The following ZNF236 variants were observed in gnomAD, a reference collection of about 807,000 sequenced individuals.
The protein encoded by ZNF236 is zinc finger protein 236, also known as regulated by glucose.
In ZNF236, 50 loss-of-function variants were observed where a neutral mutation model predicts 191.2. The ratio of observed to expected loss-of-function variants is 0.26; its 90% CI spans 0.21 to 0.33. The LOEUF (loss-of-function observed/expected upper bound fraction) is 0.33. ZNF236 is among the 10% of genes least tolerant of loss of function. ZNF236 has a pLI of 1.00. For synonymous variants in ZNF236, 907 were observed against 928.8 expected, an observed-to-expected ratio of 0.98 and a Z score of 0.43; for missense variants, 1,754 against 2,374.5, an observed-to-expected ratio of 0.74 and a Z score of 5.43.
chr18:76,889,079 T>C (rs773651939), intron 9 of ZNF236, among the ~76,000 whole-genome samples: 2 of 152,200 alleles, frequency 1.3e-5, no homozygotes, highest in Non-Finnish European at 2.9e-5. Flanking sequence ...CCACCAGGCA[T>C]CCTGTACCCC....
intron 9 of ZNF236, among the ~76,000 whole-genome samples, chr18:76,887,731 C>T (rs1428692559): frequency 2.0e-5 from 3 of 152,200 alleles, no homozygotes; most frequent in African/African-American, 7.2e-5. Context: ...TACAGGGCAA[C>T]TGCCCTTTAT....
At chr18:76,918,321 A>G (rs899259293) in intron 19 of ZNF236, among the ~76,000 whole-genome samples, 15 of 152,208 alleles carry the variant, frequency 9.9e-5, no homozygotes, top group Admixed American at 2.6e-4. Flanking sequence ...GAAGTTCCTG[A>G]TATCAAACAG....
intron 26 of ZNF236, among the ~76,000 whole-genome samples, chr18:76,938,549 C>T (rs1968055723): frequency 6.6e-6 from 1 of 152,240 alleles, no homozygotes; most frequent in African/African-American, 2.4e-5. Context: ...CTCTTCTGAG[C>T]TCTAGTCCCT....
chr18:76,958,293 G>A (rs963451290), intron 28 of ZNF236, among the ~76,000 whole-genome samples: 6 of 152,196 alleles, frequency 3.9e-5, no homozygotes, highest in African/African-American at 1.4e-4. Context: ...CTAGGTTTAC[G>A]TAACCTCTGC....
chr18:76,896,901 C>G (rs1977436409), intron 10 of ZNF236, among the ~76,000 whole-genome samples: 1 of 151,784 alleles, frequency 6.6e-6, no homozygotes, highest in Non-Finnish European at 1.5e-5. Context: ...GCATACAGTA[C>G]CCAACACAGT....
rs116807761 is a variant in ZNF236 at position 76,875,162 on chromosome 18, T to C, written c.668-330T>C. ...CTCTGGGTGTATTTTGAAGTTATTA[T>C]TGAGTGTGAGACGTGAGAGAAACCA... is the stretch of plus-strand genomic sequence containing the variant. On this transcript the variant is annotated intron_variant, in intron 5 of 30. Transcript: ENST00000320610. This position sits in a 1 kb window ranked among gnomAD's most constrained non-coding sequence, Gnocchi z 4.3. 0.012 allele frequency among the ~76,000 whole-genome samples: 1,850 copies of C among 152,148 alleles called. 29 individuals are homozygous for C. Among genetic ancestry groups the C allele is most frequent in the African/African-American group, 0.042 (1,731 of 41,494 alleles).
At chr18:76,839,790 G>T (rs1285338286) in intron 1 of ZNF236, among the ~76,000 whole-genome samples, 5 of 152,164 alleles carry the variant, frequency 3.3e-5, no homozygotes, top group African/African-American at 1.2e-4. Context: ...TTATCTAAAA[G>T]TTAATATGTG....
intron 26 of ZNF236, among the ~76,000 whole-genome samples, chr18:76,942,851 A>G (rs994588850): frequency 1.3e-5 from 2 of 148,716 alleles, no homozygotes; most frequent in African/African-American, 4.9e-5. Context: ...GGCTGGGTGC[A>G]GTGGCTCACG....
chr18:76,837,437 C>CTTTTTTTTTTTTTT (rs71760598), intron 1 of ZNF236, among the ~76,000 whole-genome samples: 16 of 105,852 alleles, frequency 1.5e-4, no homozygotes, highest in African/African-American at 2.6e-4. Flanking sequence ...TTTTCTTTTT[C>CTTTTTTTTTTTTTT]TTTTTTTTTT....
intron 13 of ZNF236, among the ~76,000 whole-genome samples, chr18:76,906,901 A>C (rs912704861): frequency 6.6e-6 from 1 of 152,248 alleles, no homozygotes; most frequent in Non-Finnish European, 1.5e-5. Context: ...GGAAATTCCC[A>C]AAATACCACA....
At chr18:76,832,933 C>T (rs1975215606) in intron 1 of ZNF236, among the ~76,000 whole-genome samples, 1 of 152,072 alleles carries the variant, frequency 6.6e-6, no homozygotes, top group Non-Finnish European at 1.5e-5. Context: ...AGGACTTATA[C>T]AAATATTGTT....
In ZNF236 at chr18:76,927,212, G is replaced by A. The variant is rs764678006; in HGVS notation, c.4173+30G>A. 8 of 1,611,790 alleles carry A rather than the reference G, an allele frequency of 5.0e-6. No individual in the cohort carries two copies. Among genetic ancestry groups the A allele is most frequent in the Non-Finnish European group, 6.8e-6 (8 of 1,178,034 alleles). On this transcript the variant is annotated intron_variant, in intron 23 of 30. Transcript: ENST00000320610. This position sits in a 1 kb window ranked among gnomAD's most constrained non-coding sequence, Gnocchi z 5.4. Reference sequence around the variant, plus strand: ...GACACCTTCCATGGTCTCCTGTGCTGTAATTCTCTTGGCATCACAGAGAAG... The same window carrying A: ...GACACCTTCCATGGTCTCCTGTGCTATAATTCTCTTGGCATCACAGAGAAG...
At chr18:76,878,489 T>C (rs1268654239) in intron 7 of ZNF236, among the ~76,000 whole-genome samples, 1 of 152,206 alleles carries the variant, frequency 6.6e-6, no homozygotes, top group Non-Finnish European at 1.5e-5. Flanking sequence ...TATTTCTCTT[T>C]TCTTATGTGA....
intron 1 of ZNF236, among the ~76,000 whole-genome samples, chr18:76,843,803 A>AAAAAAAAAAAAGAAG (rs71172383): frequency 1.6e-5 from 1 of 62,080 alleles, no homozygotes; most frequent in South Asian, 6.4e-4. Context: ...AAAAAAAAAA[A>AAAAAAAAAAAAGAAG]AAGTAAAGAA....
intron 30 of ZNF236, among the ~76,000 whole-genome samples, chr18:76,963,854 A>T (rs578079463): frequency 1.3e-5 from 2 of 152,038 alleles, no homozygotes; most frequent in East Asian, 3.9e-4. Context: ...TCTAGTTTAT[A>T]TGTGTAAAGG....
intron 1 of ZNF236, among the ~76,000 whole-genome samples, chr18:76,846,068 G>A (rs1002670441): frequency 3.9e-5 from 6 of 152,150 alleles, no homozygotes; most frequent in African/African-American, 1.5e-4. Flanking sequence ...CAGCCTAGCT[G>A]GGGCTCCTTT....
chr18:76,916,974 C>T (rs1250987468), intron 19 of ZNF236, among the ~76,000 whole-genome samples: 1 of 152,116 alleles, frequency 6.6e-6, no homozygotes, highest in Non-Finnish European at 1.5e-5. Flanking sequence ...TCTGGGGTCC[C>T]CGGTGGGTTA....
intron 3 of ZNF236, among the ~76,000 whole-genome samples, chr18:76,857,774 T>C (rs1038262837): frequency 1.3e-5 from 2 of 152,212 alleles, no homozygotes; most frequent in African/African-American, 4.8e-5. Flanking sequence ...TATGTTCTTA[T>C]TTTCTTTTTC....
At chr18:76,948,593 G>A (rs1968326761) in intron 27 of ZNF236, among the ~76,000 whole-genome samples, 1 of 152,194 alleles carries the variant, frequency 6.6e-6, no homozygotes, top group South Asian at 2.1e-4. Flanking sequence ...GGCACGTGGG[G>A]TGGAGTCCAG....
Sources: allele counts gnomAD v4.1 joint callset (sites outside exome capture counted in the v4.1 genomes callset), GRCh38; gene constraint gnomAD v4.1.1; non-coding constraint Gnocchi (gnomAD v3.1); transcripts MANE v1.5; gene names NCBI Gene and HGNC (gene_info 2026-07-23, HGNC 2026-07-21).